The following ABCA13 variants were observed in gnomAD, a reference collection of about 807,000 sequenced individuals.
The protein encoded by ABCA13 is ATP-binding cassette sub-family A member 13.
ABCA13 carries 476 observed loss-of-function variants against 478.7 expected under a neutral mutation model. That is an observed-to-expected ratio of 0.99 (90% CI 0.92 to 1.07). The LOEUF (loss-of-function observed/expected upper bound fraction) is 1.07, where lower values mean the gene tolerates loss of function less well. Ranked by LOEUF, ABCA13 falls within the 50% of genes least tolerant of loss-of-function variation. The pLI is 0.00. For missense variants in ABCA13, 6,060 were observed against 5,910.6 expected (o/e 1.03, Z -0.83); for synonymous variants, 2,252 against 2,158.9 (o/e 1.04, Z -1.20).
intron 55 of ABCA13, among the ~76,000 whole-genome samples, chr7:48,529,127 G>T (rs1022473001): frequency 6.6e-6 from 1 of 152,086 alleles, no homozygotes; most frequent in African/African-American, 2.4e-5. Flanking sequence ...TTTTTCCCCT[G>T]CTCTGATCAG....
rs142341070 is a variant in ABCA13, at chr7:48,392,197, A to C, written c.11873+58A>C. 8.9e-5 allele frequency: 133 copies of C among 1,492,902 alleles called. 1 individual carries two copies. In the African/African-American group the frequency reaches 1.5e-3, roughly 16 times the overall value. The allele number at this position is 1,492,902 out of a possible 1,614,324, so 92.5% of individuals were successfully genotyped here. On this transcript the variant is annotated intron_variant, in intron 38 of 61. Transcript: ENST00000435803. ...CCTCTGCCCATTGTGTAAGGAAGTG[A>C]AGACAATAGAAAGAGACACTTAAAA... is the stretch of plus-strand genomic sequence containing the variant.
chr7:48,393,644 T>C (rs1214815083), intron 38 of ABCA13, among the ~76,000 whole-genome samples: 4 of 152,202 alleles, frequency 2.6e-5, no homozygotes, highest in African/African-American at 7.2e-5. Context: ...TCTTTACCAC[T>C]TTTTCCGCTA....
chr7:48,552,024 C>T (rs757408215), intron 55 of ABCA13, among the ~76,000 whole-genome samples: 13 of 151,978 alleles, frequency 8.6e-5, no homozygotes, highest in Non-Finnish European at 1.8e-4. Context: ...ACCCATTAAA[C>T]TCCTTGTCAA....
intron 28 of ABCA13, 30 bp from the exon 29 acceptor site, chr7:48,338,335 T>G: frequency 6.8e-7 from 1 of 1,465,770 alleles, no homozygotes; most frequent in South Asian, 1.3e-5. Flanking sequence ...AATGCAATTA[T>G]TTTTATTAAG....
In ABCA13 at chr7:48,275,198, T is replaced by G. The variant is rs1489537162; in HGVS notation, c.5532T>G (p.His1844Gln). Residue 1844 changes from histidine to glutamine, a missense_variant, in exon 17 of 62, where the codon CAT becomes CAG. By Grantham distance (24) the His-to-Gln change is conservative. Transcript: ENST00000435803. ...CAAAGATAGACCCCTGCAATGTCCA[T>G]GGGCTCATGTCTTCTTCCTTTTATG... ...QNSKIDPCNV[H>Q]GLMSSSFYGK... is the part of the protein sequence containing the mutation. 6.2e-7 allele frequency: 1 copy of G among 1,613,954 alleles called. No homozygotes were observed.
chr7:48,396,484 A>C (rs1816851571), intron 38 of ABCA13, among the ~76,000 whole-genome samples: 2 of 152,122 alleles, frequency 1.3e-5, no homozygotes, highest in Non-Finnish European at 2.9e-5. Flanking sequence ...CAGCTCGGAG[A>C]GGGAAGCCAG....
chr7:48,502,575 A>G (rs555371751), intron 48 of ABCA13, among the ~76,000 whole-genome samples: 9 of 152,324 alleles, frequency 5.9e-5, no homozygotes, highest in East Asian at 1.9e-4. Context: ...CTGTATGGCT[A>G]TAGTCTTAGG....
At chr7:48,305,392 T>C (rs1800752914) in intron 23 of ABCA13, among the ~76,000 whole-genome samples, 1 of 152,162 alleles carries the variant, frequency 6.6e-6, no homozygotes, top group African/African-American at 2.4e-5. Context: ...AGCTCTGAGC[T>C]CAAATGGGTC....
chr7:48,227,414 G>T lies in ABCA13; in HGVS notation c.621G>T (p.Gln207His). 3 of 1,613,876 alleles carry T rather than the reference G, an allele frequency of 1.9e-6. No individual in the cohort carries two copies. The highest frequency in any genetic ancestry group is 2.5e-6 in the Non-Finnish European group (3 of 1,179,858). Residue 207 changes from glutamine (Q) to histidine (H), a missense_variant, in exon 6 of 62, where the codon CAG becomes CAT. By Grantham distance (24) the Gln-to-His change is conservative. This residue lies in a region of ABCA13 where 4,423 missense variants were observed against 4,309.1 expected (regional missense o/e 1.03). Coordinates refer to ENST00000435803, the MANE Select transcript of ABCA13 (RefSeq NM_152701.5). ...TGGATGTTGCAGTGAACCTTCTCCA[G>T]ACCATTTTGAAGTGAGTGAAAAAGA... ...DGMDVAVNLL[Q>H]TILNSLISLE...
chr7:48,573,120 A>C (rs192192435), intron 55 of ABCA13, among the ~76,000 whole-genome samples: 1 of 152,014 alleles, frequency 6.6e-6, no homozygotes, highest in Non-Finnish European at 1.5e-5. Context: ...ATTCATTACT[A>C]TGTTTAAAGT....
At position 48,209,647 on chromosome 7, in the gene ABCA13, G is replaced by T. The variant is rs1367151109; in HGVS notation, c.288-9707G>T. 2.6e-5 allele frequency among the ~76,000 whole-genome samples: 4 copies of T among 152,040 alleles called. No individual in the cohort carries two copies. In the East Asian group the frequency reaches 7.7e-4, roughly 29 times the overall value. On this transcript the variant is annotated intron_variant, in intron 3 of 61. Coordinates refer to ENST00000435803, the MANE Select transcript of ABCA13 (RefSeq NM_152701.5). Reference sequence around the variant, plus strand: ...TCTTCTAAGTTTTTCAGTTGAAGAGGACACACAAAAAATAGAAAGATATTC... The same window carrying T: ...TCTTCTAAGTTTTTCAGTTGAAGAGTACACACAAAAAATAGAAAGATATTC...
chr7:48,465,884 G>A (rs1826824241), intron 43 of ABCA13, among the ~76,000 whole-genome samples: 1 of 151,850 alleles, frequency 6.6e-6, no homozygotes, highest in Non-Finnish European at 1.5e-5. Context: ...TGTAGCTAAT[G>A]TTTTAAGTTC....
intron 44 of ABCA13, among the ~76,000 whole-genome samples, chr7:48,470,488 A>G (rs1402577684): frequency 1.3e-5 from 2 of 152,184 alleles, no homozygotes; most frequent in East Asian, 3.8e-4. Context: ...CAGATACAGT[A>G]CTCTGATTAA....
Position 48,278,881 on chromosome 7 carries a change from C to A in ABCA13, c.7687C>A (p.Gln2563Lys). 1 of 1,613,262 alleles carries A rather than the reference C, an allele frequency of 6.2e-7. No individual in the cohort carries two copies. ...KFFDTLYSIM[Q>K]QSVQNLVKEI... ...CTTTGACACTCTGTATTCCATCATG[C>A]AACAAAGTGTTCAAAATCTTGTGAA... The change falls in exon 18 of 62, where the codon CAA becomes AAA. Residue 2563 changes from glutamine to lysine, a missense_variant. Transcript: ENST00000435803.
At chr7:48,443,954 C>T (rs939341884) in intron 42 of ABCA13, among the ~76,000 whole-genome samples, 1 of 151,776 alleles carries the variant, frequency 6.6e-6, no homozygotes, top group Non-Finnish European at 1.5e-5. Flanking sequence ...GGAGGAAACA[C>T]CCTCTTTCCT....
intron 3 of ABCA13, among the ~76,000 whole-genome samples, chr7:48,209,542 C>G (rs967184480): frequency 3.3e-5 from 5 of 151,992 alleles, no homozygotes; most frequent in Non-Finnish European, 2.9e-5. Context: ...ATCTTATTAC[C>G]TGTTGTTGGT....
chr7:48,314,700 G>T (rs1802292916), intron 26 of ABCA13, among the ~76,000 whole-genome samples: 1 of 152,134 alleles, frequency 6.6e-6, no homozygotes, highest in Admixed American at 6.5e-5. Flanking sequence ...ACCAGTATTG[G>T]TGAGGGTCCA....
chr7:48,403,707 T>C lies in ABCA13; in HGVS notation c.11898T>C (p.Thr3966=), dbSNP rs201433357. The change falls in exon 39 of 62, where the codon ACT becomes ACC. Residue 3966 remains threonine, a synonymous_variant. Coordinates refer to ENST00000435803, the MANE Select transcript of ABCA13 (RefSeq NM_152701.5). ...VNQTLQDVDL[T]QHQHKQTRAL... ...GAACTCTTCAGGATGTGGACTTAAC[T>C]CAGCATCAGCACAAACAGACCCGAG... 3.1e-5 allele frequency: 50 copies of C among 1,613,718 alleles called. No homozygotes were observed. Among genetic ancestry groups the C allele is most frequent in the South Asian group, 1.1e-5 (1 of 91,076 alleles).
intron 31 of ABCA13, among the ~76,000 whole-genome samples, chr7:48,352,776 A>G (rs949356525): frequency 1.2e-4 from 19 of 152,064 alleles, no homozygotes; most frequent in African/African-American, 4.6e-4. Context: ...AACATTCACA[A>G]GGGCTGTGCA....
Sources: allele counts gnomAD v4.1 joint callset (sites outside exome capture counted in the v4.1 genomes callset), GRCh38; gene constraint gnomAD v4.1.1; regional missense constraint gnomAD v4.1.1; transcripts MANE v1.5; gene names NCBI Gene and HGNC (gene_info 2026-07-23, HGNC 2026-07-21).